The following CTIF variants were observed in gnomAD, a reference collection of about 807,000 sequenced individuals.
The protein encoded by CTIF is cap binding complex dependent translation initiation factor.
CTIF carries 21 observed loss-of-function variants against 66.0 expected under a neutral mutation model. That is an observed-to-expected ratio of 0.32 (90% CI 0.23 to 0.46). CTIF has a LOEUF of 0.46. Among genes scored for constraint, CTIF ranks in the 20% least tolerant of loss-of-function variants. CTIF has a pLI of 1.00. For synonymous variants in CTIF, 345 were observed against 326.4 expected (o/e 1.06, Z -0.62); for missense variants, 739 against 812.7 (o/e 0.91, Z 1.10).
At chr18:48,669,801 A>T (rs1244054889) in intron 5 of CTIF, among the ~76,000 whole-genome samples, 2 of 70,806 alleles carry the variant, frequency 2.8e-5, no homozygotes, top group African/African-American at 1.3e-4. Context: ...ATTTATATAT[A>T]TATATATATA....
chr18:48,857,070 G>T (rs12456176), intron 10 of CTIF, among the ~76,000 whole-genome samples: 1 of 152,154 alleles, frequency 6.6e-6, no homozygotes, highest in Admixed American at 6.5e-5. Context: ...CAGGTTTGTG[G>T]GTTTGAAAGT....
intron 1 of CTIF, among the ~76,000 whole-genome samples, chr18:48,589,197 T>A (rs1599196473): frequency 6.6e-6 from 1 of 152,298 alleles, no homozygotes; most frequent in South Asian, 2.1e-4. Context: ...CAGAAACTCA[T>A]TCTTTTAGTC....
intron 1 of CTIF, among the ~76,000 whole-genome samples, chr18:48,570,343 G>A (rs951850548): frequency 6.6e-6 from 1 of 152,240 alleles, no homozygotes; most frequent in Admixed American, 6.5e-5. Flanking sequence ...GTTGCTGTTT[G>A]GGTGCCAGAG....
chr18:48,603,602 A>C (rs1208456740), intron 1 of CTIF, among the ~76,000 whole-genome samples: 1 of 98,258 alleles, frequency 1.0e-5, no homozygotes, highest in Admixed American at 9.8e-5. Flanking sequence ...TAGATGGATG[A>C]ATGGGTGGGT....
At chr18:48,785,969 C>A (rs1279430214) in intron 9 of CTIF, among the ~76,000 whole-genome samples, 3 of 152,180 alleles carry the variant, frequency 2.0e-5, no homozygotes, top group Admixed American at 2.0e-4. Flanking sequence ...CTCACAGCAA[C>A]CCCGCCAGGG....
chr18:48,791,979 G>A (rs145604705), intron 9 of CTIF, among the ~76,000 whole-genome samples: 144 of 152,338 alleles, frequency 9.5e-4, no homozygotes, highest in Non-Finnish European at 1.4e-3. Flanking sequence ...GCTATGGTGG[G>A]ATTCAGCAGC....
intron 3 of CTIF, among the ~76,000 whole-genome samples, chr18:48,643,499 G>A (rs2090970801): frequency 6.6e-6 from 1 of 152,122 alleles, no homozygotes; most frequent in Admixed American, 6.5e-5. Flanking sequence ...CTCTGGAATG[G>A]GGGTGTCATG....
intron 1 of CTIF, among the ~76,000 whole-genome samples, chr18:48,616,562 G>A (rs1288228076): frequency 2.0e-5 from 3 of 152,226 alleles, no homozygotes; most frequent in Admixed American, 6.5e-5. Flanking sequence ...ACTTGGGCAA[G>A]TTACTTAATC....
intron 9 of CTIF, among the ~76,000 whole-genome samples, chr18:48,767,852 G>A (rs752430823): frequency 7.2e-5 from 11 of 152,180 alleles, no homozygotes; most frequent in Non-Finnish European, 1.0e-4. Flanking sequence ...ATACATAGAC[G>A]CTCAGTTGAG....
At chr18:48,802,481 C>G (rs1001193540) in intron 9 of CTIF, among the ~76,000 whole-genome samples, 2 of 152,202 alleles carry the variant, frequency 1.3e-5, no homozygotes, top group Admixed American at 6.5e-5. Flanking sequence ...AAACTTGATG[C>G]CTTGGGGGGT....
At chr18:48,544,307 G>A (rs952934647) in intron 1 of CTIF, among the ~76,000 whole-genome samples, 2 of 152,198 alleles carry the variant, frequency 1.3e-5, no homozygotes, top group Non-Finnish European at 2.9e-5. Context: ...AGCCTGTGAG[G>A]CAGTTGTTGT....
chr18:48,648,417 G>A (rs2091090771), intron 3 of CTIF, among the ~76,000 whole-genome samples: 1 of 151,742 alleles, frequency 6.6e-6, no homozygotes, highest in Non-Finnish European at 1.5e-5. Context: ...GCCCCTTGGG[G>A]GTCTATTTCC....
chr18:48,786,148 C>A (rs1181777083), intron 9 of CTIF, among the ~76,000 whole-genome samples: 1 of 152,160 alleles, frequency 6.6e-6, no homozygotes, highest in East Asian at 1.9e-4. Flanking sequence ...GCTGAAGGAG[C>A]TCAGAGAGCA....
At chr18:48,595,976 G>A (rs1240831116) in intron 1 of CTIF, among the ~76,000 whole-genome samples, 1 of 152,148 alleles carries the variant, frequency 6.6e-6, no homozygotes, top group Non-Finnish European at 1.5e-5. Context: ...AGGCAGTAGA[G>A]TCAACAAGGT....
At chr18:48,644,831 G>C (rs140385717) in intron 3 of CTIF, among the ~76,000 whole-genome samples, 1 of 152,194 alleles carries the variant, frequency 6.6e-6, no homozygotes, top group Non-Finnish European at 1.5e-5. Context: ...AGTGGGAGCC[G>C]CCATGATGTC....
intron 1 of CTIF, among the ~76,000 whole-genome samples, chr18:48,576,140 C>T (rs530733526): frequency 4.1e-4 from 63 of 152,360 alleles, no homozygotes; most frequent in Admixed American, 2.9e-3. Context: ...GCCCGAGAGG[C>T]GCCGAGGATG....
intron 7 of CTIF, among the ~76,000 whole-genome samples, chr18:48,757,136 T>C (rs2145855795): frequency 6.6e-6 from 1 of 152,316 alleles, no homozygotes; most frequent in South Asian, 2.1e-4. Flanking sequence ...TCTCTGTGTG[T>C]CAAAGGTTCC....
rs559294430 is a variant in CTIF at position 48,545,111 on chromosome 18, G to A, written c.-29+5799G>A. 1.8e-4 allele frequency among the ~76,000 whole-genome samples: 27 copies of A among 152,284 alleles called. No homozygotes were observed. In the South Asian group the frequency reaches 4.4e-3, roughly 25 times the overall value. On this transcript the variant is annotated intron_variant, in intron 1 of 11. Transcript: ENST00000256413. ...CTGGCCAGGAAAGGAGATGGGAGACGGGCATTCAGGGAGAAGGCATGGCGT... is the reference window on the plus strand; with the variant it reads ...CTGGCCAGGAAAGGAGATGGGAGACAGGCATTCAGGGAGAAGGCATGGCGT...
At chr18:48,732,733 C>T (rs797021909) in intron 7 of CTIF, among the ~76,000 whole-genome samples, 47 of 152,328 alleles carry the variant, frequency 3.1e-4, no homozygotes, top group African/African-American at 1.1e-3. Flanking sequence ...GACAATATGG[C>T]CTGGCCAGTG....
Sources: gnomAD v4.1 joint callset for allele counts (sites outside exome capture counted in the v4.1 genomes callset) on GRCh38, gnomAD v4.1.1 for gene constraint, MANE v1.5 for transcripts, NCBI Gene and HGNC (gene_info 2026-07-23, HGNC 2026-07-21) for gene names.